Variants in PKD2L2 observed in about 807,000 individuals in gnomAD.
PKD2L2 encodes polycystin 2 like 2, transient receptor potential cation channel.
PKD2L2 carries 67 observed loss-of-function variants against 83.9 expected under a neutral mutation model. The ratio of observed to expected loss-of-function variants is 0.80; its 90% CI spans 0.66 to 0.98. The LOEUF (loss-of-function observed/expected upper bound fraction) is 0.98, where lower values mean the gene tolerates loss of function less well. PKD2L2 is among the 50% of genes least tolerant of loss of function. PKD2L2 has a pLI of 0.00. For synonymous variants in PKD2L2, 223 were observed against 237.8 expected (o/e 0.94, Z 0.57); for missense variants, 632 against 717.2 (o/e 0.88, Z 1.36).
Position 137,921,635 on chromosome 5 carries a change from G to T in PKD2L2, c.1329-1G>T. 1 of 1,578,076 alleles carries T rather than the reference G, an allele frequency of 6.3e-7. No homozygotes were observed. The highest frequency in any genetic ancestry group is 8.7e-7 in the Non-Finnish European group (1 of 1,155,060). ...TTTTCTACTGTTTTTCTTTCTTAAA[G>T]ATTTGCACAATTTCGAATTGTTCTT... On this transcript the variant is annotated splice_acceptor_variant, in intron 8 of 14. Coordinates refer to ENST00000508883, the MANE Select transcript of PKD2L2 (RefSeq NM_001300921.2). LOFTEE classifies it high-confidence loss of function.
intron 14 of PKD2L2, chr5:137,938,060 G>A (rs913900601): frequency 6.6e-6 from 1 of 152,074 alleles, no homozygotes; most frequent in Admixed American, 6.6e-5. Context: ...TATATTATTT[G>A]TATATAGATA....
At position 137,930,088 on chromosome 5, in the gene PKD2L2, T is replaced by C. The variant is rs528143538; in HGVS notation, c.1671+4159T>C. Among the ~76,000 whole-genome samples the C allele has an allele frequency of 2.0e-5, 3 of 151,580 alleles. No homozygotes were observed. The East Asian group carries it at 5.8e-4, about 30-fold the overall frequency. On this transcript the variant is annotated intron_variant, in intron 12 of 14. Transcript: ENST00000508883. ...ACACACAAAAAAAACAAAGAACAGA[T>C]CAAGAAAAACAAACGGATTAAAAAG...
chr5:137,896,566 C>T (rs1448436519), intron 4 of PKD2L2, among the ~76,000 whole-genome samples: 3 of 152,146 alleles, frequency 2.0e-5, no homozygotes, highest in African/African-American at 7.2e-5. Context: ...GAATACACCA[C>T]CACACCTGAC....
chr5:137,913,412 C>T (rs1287249722), intron 8 of PKD2L2, among the ~76,000 whole-genome samples: 2 of 151,282 alleles, frequency 1.3e-5, no homozygotes, highest in African/African-American at 4.9e-5. Flanking sequence ...TCTTGAACTC[C>T]TAGCCTCAAG....
intron 4 of PKD2L2, among the ~76,000 whole-genome samples, chr5:137,897,899 G>T (rs1756613902): frequency 6.6e-6 from 1 of 151,066 alleles, no homozygotes; most frequent in African/African-American, 2.4e-5. Context: ...CTGAAATGAG[G>T]AATCAAAGCT....
intron 8 of PKD2L2, among the ~76,000 whole-genome samples, chr5:137,915,595 G>C (rs1758256677): frequency 6.6e-6 from 1 of 151,008 alleles, no homozygotes. Context: ...GCTAATTTTT[G>C]TATTTTTAGT....
At chr5:137,911,795 C>A (rs947563985) in intron 8 of PKD2L2, among the ~76,000 whole-genome samples, 7 of 152,170 alleles carry the variant, frequency 4.6e-5, no homozygotes, top group African/African-American at 7.2e-5. Context: ...TGACATACAT[C>A]TCTCAACTCC....
At chr5:137,902,401 C>CT (rs1757037053) in intron 5 of PKD2L2, among the ~76,000 whole-genome samples, 1 of 152,192 alleles carries the variant, frequency 6.6e-6, no homozygotes, top group African/African-American at 2.4e-5. Context: ...CGCTCTGCCA[C>CT]CCCTGAGACA....
At position 137,919,828 on chromosome 5, in the gene PKD2L2, G is replaced by T. The variant is rs1000756336; in HGVS notation, c.1329-1808G>T. Among the ~76,000 whole-genome samples, 28 of 152,108 alleles carry T rather than the reference G, an allele frequency of 1.8e-4. 2 individuals carry two copies. The highest frequency in any genetic ancestry group is 1.8e-3 in the Admixed American group (28 of 15,252). On this transcript the variant is annotated intron_variant, in intron 8 of 14. Transcript: ENST00000508883. ...TTTTCTTCCTTCATTAAAGCTTTTT[G>T]CTCCTTTTATGTGATTGGCAAAAGC...
intron 8 of PKD2L2, among the ~76,000 whole-genome samples, chr5:137,912,429 T>C (rs2150028462): frequency 6.6e-6 from 1 of 152,266 alleles, no homozygotes; most frequent in Non-Finnish European, 1.5e-5. Context: ...TGCAGTGGCA[T>C]GATCTCGGCT....
chr5:137,895,289 G>A (rs1276542588), intron 4 of PKD2L2, among the ~76,000 whole-genome samples: 1 of 151,920 alleles, frequency 6.6e-6, no homozygotes, highest in Non-Finnish European at 1.5e-5. Flanking sequence ...GCAACATACT[G>A]AGACCTAGTC....
chr5:137,906,376 A>G lies in PKD2L2; in HGVS notation c.917A>G (p.Glu306Gly). 6.2e-7 allele frequency: 1 copy of G among 1,611,220 alleles called. No homozygotes were observed. The change falls in exon 6 of 15, where the codon GAA becomes GGA. Residue 306 changes from glutamate (E) to glycine (G), a missense_variant. Physicochemically the swap from Glu to Gly is moderately conservative, Grantham distance 98 (BLOSUM62 -2). Around this residue, in one of 3 missense-constraint regions of PKD2L2, gnomAD observed 399 missense variants for 416.9 expected, o/e 0.96. Coordinates refer to ENST00000508883, the MANE Select transcript of PKD2L2 (RefSeq NM_001300921.2). Reference sequence around the variant, plus strand: ...ACACAAGAAGTCAAAAAAATAAAAGAATTTAAGTCTGCCTATTTCAAAAGT... The same window carrying G: ...ACACAAGAAGTCAAAAAAATAAAAGGATTTAAGTCTGCCTATTTCAAAAGT... ...FTTQEVKKIK[E>G]FKSAYFKSIW...
At chr5:137,922,739 AAAAC>A (rs915295148) in intron 9 of PKD2L2, among the ~76,000 whole-genome samples, 1 of 152,164 alleles carries the variant, frequency 6.6e-6, no homozygotes, top group Non-Finnish European at 1.5e-5. Context: ...CCCTGTCTCA[AAAAC>A]AAACAAAAAA....
chr5:137,924,604 G>C (rs190698135), intron 10 of PKD2L2, among the ~76,000 whole-genome samples: 1 of 152,146 alleles, frequency 6.6e-6, no homozygotes, highest in African/African-American at 2.4e-5. Flanking sequence ...GGTCCTAGTA[G>C]CTGCAGGGTT....
At chr5:137,900,585 A>G (rs148760686) in intron 5 of PKD2L2, among the ~76,000 whole-genome samples, 149 of 152,332 alleles carry the variant, frequency 9.8e-4, no homozygotes, top group Non-Finnish European at 1.9e-3. Context: ...GGGGGAAGGA[A>G]AGGAAATTCA....
At chr5:137,941,258 C>T (rs1471000731) in intron 14 of PKD2L2, among the ~76,000 whole-genome samples, 4 of 151,962 alleles carry the variant, frequency 2.6e-5, no homozygotes, top group African/African-American at 7.3e-5. Context: ...AGGAGACTCA[C>T]AAAGCAAAGG....
chr5:137,899,326 A>G (rs1756756061), intron 4 of PKD2L2, among the ~76,000 whole-genome samples, 190 bp from the exon 5 acceptor site: 1 of 152,198 alleles, frequency 6.6e-6, no homozygotes, highest in Non-Finnish European at 1.5e-5. Context: ...CACATTGCCC[A>G]GGCTGGTCTC....
intron 9 of PKD2L2, among the ~76,000 whole-genome samples, chr5:137,922,110 CACTT>C (rs1470605233): frequency 6.6e-6 from 1 of 152,234 alleles, no homozygotes; most frequent in African/African-American, 2.4e-5. Flanking sequence ...TACAGCTAAA[CACTT>C]ACCACGTTGT....
intron 9 of PKD2L2, 48 bp downstream of exon 9, chr5:137,921,804 A>G: frequency 7.3e-7 from 1 of 1,365,882 alleles, no homozygotes; most frequent in Non-Finnish European, 1.0e-6. Context: ...TAGAATAAAA[A>G]GTAAAATTAC....
Sources: allele counts gnomAD v4.1 joint callset (sites outside exome capture counted in the v4.1 genomes callset), GRCh38; gene constraint gnomAD v4.1.1; regional missense constraint gnomAD v4.1.1; transcripts MANE v1.5; gene names NCBI Gene and HGNC (gene_info 2026-07-23, HGNC 2026-07-21).